KIAA1217: variants seen among roughly 807,000 people sequenced by gnomAD.
KIAA1217 encodes sickle tail protein homolog.
Under a neutral mutation model 163.9 loss-of-function variants are expected in KIAA1217, and 88 were observed. The ratio of observed to expected loss-of-function variants is 0.54; its 90% CI spans 0.45 to 0.64. The LOEUF (loss-of-function observed/expected upper bound fraction) is 0.64. Ranked by LOEUF, KIAA1217 falls within the 30% of genes least tolerant of loss-of-function variation. The pLI is 0.00. For missense variants in KIAA1217, 2,372 were observed against 2,475.0 expected (o/e 0.96, Z 0.88); for synonymous variants, 903 against 923.1 (o/e 0.98, Z 0.39).
chr10:23,896,020 T>A (rs1429253092), intron 1 of KIAA1217, among the ~76,000 whole-genome samples: 2 of 148,992 alleles, frequency 1.3e-5, no homozygotes, highest in Non-Finnish European at 3.0e-5. Flanking sequence ...GAGGGATAGC[T>A]TTAGGAGATA....
chr10:24,074,324 G>T (rs1485185266), intron 2 of KIAA1217, among the ~76,000 whole-genome samples: 1 of 152,024 alleles, frequency 6.6e-6, no homozygotes, highest in African/African-American at 2.4e-5. Context: ...ACTCCAGCCT[G>T]GGAAACAGAG....
intron 1 of KIAA1217, among the ~76,000 whole-genome samples, chr10:23,777,245 G>A (rs1463710114): frequency 1.3e-5 from 2 of 152,108 alleles, no homozygotes; most frequent in South Asian, 2.1e-4. Context: ...GGATTACAGC[G>A]TTTTCTATAC....
At chr10:23,812,344 C>T (rs1401620118) in intron 1 of KIAA1217, among the ~76,000 whole-genome samples, 1 of 152,146 alleles carries the variant, frequency 6.6e-6, no homozygotes, top group Non-Finnish European at 1.5e-5. Context: ...TTACTTCTAG[C>T]ATGAGTTAGA....
At chr10:23,983,894 A>G (rs1173559268) in intron 1 of KIAA1217, among the ~76,000 whole-genome samples, 1 of 152,216 alleles carries the variant, frequency 6.6e-6, no homozygotes, top group African/African-American at 2.4e-5. Context: ...TAAACTAAAA[A>G]GGCAAGTTAA....
chr10:24,235,197 A>T (rs1590114521), intron 2 of KIAA1217, among the ~76,000 whole-genome samples: 1 of 151,120 alleles, frequency 6.6e-6, no homozygotes, highest in South Asian at 2.1e-4. Flanking sequence ...TGCTAATCAC[A>T]CCTAAAAAAT....
At chr10:23,939,921 G>C (rs1372952367) in intron 1 of KIAA1217, among the ~76,000 whole-genome samples, 2 of 149,594 alleles carry the variant, frequency 1.3e-5, no homozygotes, top group Middle Eastern at 3.6e-3. Context: ...TTACTGTTTA[G>C]TAAATATGAC....
At chr10:24,069,619 C>T (rs12260924) in intron 2 of KIAA1217, among the ~76,000 whole-genome samples, 14,298 of 152,144 alleles carry the variant, frequency 0.094, 1,018 homozygotes, top group African/African-American at 0.2. Context: ...AAGAGGTTTG[C>T]CTCCAATTTT....
intron 1 of KIAA1217, among the ~76,000 whole-genome samples, chr10:23,852,223 T>C (rs535521468): frequency 1.3e-5 from 2 of 152,316 alleles, no homozygotes; most frequent in African/African-American, 4.8e-5. Context: ...AGTTTCAGCT[T>C]TCTACATATG....
chr10:23,874,487 C>A (rs935124800), intron 1 of KIAA1217, among the ~76,000 whole-genome samples: 1 of 151,904 alleles, frequency 6.6e-6, no homozygotes, highest in Non-Finnish European at 1.5e-5. Context: ...AAATTATAGC[C>A]CCTAAACTCT....
intron 1 of KIAA1217, among the ~76,000 whole-genome samples, chr10:23,901,080 C>A (rs981633211): frequency 3.3e-5 from 5 of 152,068 alleles, no homozygotes; most frequent in African/African-American, 1.2e-4. Flanking sequence ...CAATAATAAG[C>A]ACTAACACTT....
chr10:23,935,434 C>T (rs1424744421), intron 1 of KIAA1217, among the ~76,000 whole-genome samples: 12 of 152,200 alleles, frequency 7.9e-5, no homozygotes, highest in Non-Finnish European at 1.8e-4. Context: ...TGTCTGTACT[C>T]ACTCGACATT....
At chr10:24,328,881 T>A (rs950240113) in intron 2 of KIAA1217, among the ~76,000 whole-genome samples, 2 of 151,992 alleles carry the variant, frequency 1.3e-5, no homozygotes, top group Non-Finnish European at 2.9e-5. Context: ...TCCTTCAGCA[T>A]GTGTCTTCCC....
chr10:24,139,113 ATT>A (rs1352974134), intron 2 of KIAA1217, among the ~76,000 whole-genome samples: 1 of 152,056 alleles, frequency 6.6e-6, no homozygotes, highest in African/African-American at 2.4e-5. Flanking sequence ...TTTCTGTATA[ATT>A]ATTTGTATCT....
chr10:24,367,224 C>T (rs2050908174), intron 2 of KIAA1217: 1 of 929,182 alleles, frequency 1.1e-6, no homozygotes, highest in Non-Finnish European at 1.3e-6. Flanking sequence ...TGTTCTTTTT[C>T]TGCATCGAGT....
intron 2 of KIAA1217, among the ~76,000 whole-genome samples, chr10:24,314,142 G>A (rs1590875719): frequency 6.6e-6 from 1 of 152,268 alleles, no homozygotes; most frequent in East Asian, 1.9e-4. Context: ...TACCAAGAGA[G>A]CTTCAAAAAT....
chr10:24,460,420 C>T (rs1416799981), intron 5 of KIAA1217, among the ~76,000 whole-genome samples: 1 of 152,186 alleles, frequency 6.6e-6, no homozygotes, highest in African/African-American at 2.4e-5. Context: ...CTTCTGAACC[C>T]AGGAAGAATG....
intron 2 of KIAA1217, among the ~76,000 whole-genome samples, chr10:24,017,062 T>C (rs1847515675): frequency 6.6e-6 from 1 of 151,414 alleles, no homozygotes; most frequent in Admixed American, 6.6e-5. Flanking sequence ...TTTTTTTGAT[T>C]TTTTGTTTTG....
intron 2 of KIAA1217, among the ~76,000 whole-genome samples, chr10:24,139,087 T>A (rs2131827610): frequency 6.6e-6 from 1 of 152,278 alleles, no homozygotes; most frequent in East Asian, 1.9e-4. Flanking sequence ...TTTTGGCTTT[T>A]TCATTTTATT....
intron 2 of KIAA1217, among the ~76,000 whole-genome samples, chr10:24,009,398 C>A: frequency 6.6e-6 from 1 of 151,114 alleles, no homozygotes; most frequent in Non-Finnish European, 1.5e-5. Flanking sequence ...TTTTTAAAGC[C>A]CAAACTAGAT....
Sources: allele counts gnomAD v4.1 joint callset (sites outside exome capture counted in the v4.1 genomes callset), GRCh38; gene constraint gnomAD v4.1.1; transcripts MANE v1.5; gene names NCBI Gene and HGNC (gene_info 2026-07-23, HGNC 2026-07-21).